The following ARHGAP17 variants were observed in gnomAD, a reference collection of about 807,000 sequenced individuals.
The protein encoded by ARHGAP17 is rho GTPase-activating protein 17.
A neutral mutation model predicts 99.5 loss-of-function variants in ARHGAP17; 57 were observed. The observed-to-expected ratio is 0.57, with a 90% CI of 0.46 to 0.71. ARHGAP17 has a LOEUF of 0.71. ARHGAP17 is among the 30% of genes least tolerant of loss of function. ARHGAP17 has a pLI of 0.00. For missense variants in ARHGAP17, 1,000 were observed against 1,122.4 expected (o/e 0.89, Z 1.56); for synonymous variants, 417 against 429.6 (o/e 0.97, Z 0.36).
chr16:24,929,154 CTTT>C (rs77376064), intron 19 of ARHGAP17, among the ~76,000 whole-genome samples: 3 of 140,038 alleles, frequency 2.1e-5, no homozygotes, highest in African/African-American at 2.6e-5. Context: ...GAAGATATTC[CTTT>C]TTTTTTTTTT....
In ARHGAP17 at chr16:24,950,836, C is replaced by CAAAAAAAAAAAAA. The variant is rs1177614713; in HGVS notation, c.1047-1365_1047-1353dup. ...TGGGCGACAGAGTGGGACTCCAACT[C>CAAAAAAAAAAAAA]AAAAAAAAAAAAAAAAAAAAAAGAA... On this transcript the variant is annotated intron_variant, in intron 12 of 19. Coordinates refer to ENST00000289968, the MANE Select transcript of ARHGAP17 (RefSeq NM_001006634.3). Among the ~76,000 whole-genome samples, 102 of 39,406 alleles carry CAAAAAAAAAAAAA rather than the reference C, an allele frequency of 2.6e-3. 7 individuals carry two copies. Among genetic ancestry groups the CAAAAAAAAAAAAA allele is most frequent in the African/African-American group, 9.7e-3 (92 of 9,516 alleles). The allele number at this position is 39,406 out of a possible 152,430, so 25.9% of individuals were successfully genotyped here.
intron 13 of ARHGAP17, 45 bp from the exon 14 acceptor site, chr16:24,947,640 T>C (rs1485796505): frequency 1.3e-6 from 2 of 1,511,786 alleles, no homozygotes; most frequent in Non-Finnish European, 1.8e-6. Context: ...CTGAAATAGC[T>C]GCTGGAATGT....
At chr16:24,929,048 T>TG (rs1421681019) in intron 19 of ARHGAP17, among the ~76,000 whole-genome samples, 2 of 152,128 alleles carry the variant, frequency 1.3e-5, no homozygotes, top group African/African-American at 4.8e-5. Flanking sequence ...TGACTGCACC[T>TG]GGGTCCTCTT....
intron 3 of ARHGAP17, among the ~76,000 whole-genome samples, chr16:24,976,410 T>G (rs2141348085): frequency 6.6e-6 from 1 of 152,178 alleles, no homozygotes; most frequent in African/African-American, 2.4e-5. Context: ...TGTACTGTGG[T>G]CTCAGCTGCT....
intron 1 of ARHGAP17, among the ~76,000 whole-genome samples, chr16:24,987,350 G>A (rs1271845432): frequency 6.6e-6 from 1 of 152,152 alleles, no homozygotes; most frequent in Non-Finnish European, 1.5e-5. Context: ...TGCAGCAGCC[G>A]CATTTAGCCC....
At chr16:25,000,072 G>A (rs556502172) in intron 1 of ARHGAP17, among the ~76,000 whole-genome samples, 60 of 152,256 alleles carry the variant, frequency 3.9e-4, no homozygotes, top group African/African-American at 1.1e-3. Context: ...CAGACACAGC[G>A]AGTAAACAGT....
intron 3 of ARHGAP17, among the ~76,000 whole-genome samples, chr16:24,976,909 A>G (rs2052534341): frequency 6.6e-6 from 1 of 152,250 alleles, no homozygotes; most frequent in Non-Finnish European, 1.5e-5. Flanking sequence ...TCAATTTAAG[A>G]CAGGCTTTCC....
At chr16:24,933,789 C>T (rs2051059489) in intron 18 of ARHGAP17, among the ~76,000 whole-genome samples, 1 of 151,958 alleles carries the variant, frequency 6.6e-6, no homozygotes, top group South Asian at 2.1e-4. Context: ...TCTGAGACCA[C>T]CTCAGAGGCG....
At chr16:25,009,177 C>T (rs2053580209) in intron 1 of ARHGAP17, among the ~76,000 whole-genome samples, 1 of 152,062 alleles carries the variant, frequency 6.6e-6, no homozygotes, top group Admixed American at 6.6e-5. Context: ...ACCAGCCTGG[C>T]CAACATGGCA....
intron 1 of ARHGAP17, among the ~76,000 whole-genome samples, chr16:24,998,361 G>T (rs1449768034): frequency 6.6e-6 from 1 of 152,052 alleles, no homozygotes; most frequent in Admixed American, 6.5e-5. Context: ...GGGGAGGCTG[G>T]CAAGGCAGCG....
In ARHGAP17 at chr16:25,014,149, T is replaced by C. The variant is rs558242738; in HGVS notation, c.53+1060A>G. ...AACTCGAGAGGAAGTAAAAGTATTT[T>C]CATACACTCAAAAAAAAGAAGTGTC... On this transcript the variant is annotated intron_variant, in intron 1 of 19. Transcript: ENST00000289968. Among the ~76,000 whole-genome samples, 15 of 151,460 alleles carry C rather than the reference T, an allele frequency of 9.9e-5. No individual in the cohort carries two copies. The East Asian group carries it at 2.9e-3, about 29-fold the overall frequency.
intron 18 of ARHGAP17, among the ~76,000 whole-genome samples, chr16:24,933,730 G>A (rs1024560519): frequency 3.3e-5 from 5 of 151,870 alleles, no homozygotes; most frequent in Admixed American, 2.6e-4. Flanking sequence ...GAGAGGGAGC[G>A]TGGGAGCAAA....
At chr16:24,987,783 G>A (rs1043773890) in intron 1 of ARHGAP17, among the ~76,000 whole-genome samples, 5 of 152,080 alleles carry the variant, frequency 3.3e-5, no homozygotes, top group South Asian at 2.1e-4. Flanking sequence ...TGACTGATAC[G>A]TCAATTAAAA....
chr16:25,003,230 CTTTTTTTTTT>C (rs564573463), intron 1 of ARHGAP17, among the ~76,000 whole-genome samples: 3 of 90,700 alleles, frequency 3.3e-5, no homozygotes, highest in East Asian at 6.0e-4. Context: ...AGCTTTAAAG[CTTTTTTTTTT>C]TTTTTTTTTT....
rs1357014912 is a variant in ARHGAP17, at chr16:24,955,940, G to C, written c.725-1210C>G. ...GACAAAAATGAGGTGCAGGCCACCA[G>C]CCACTCTCAGAATTGTGGGGAGCCC... On this transcript the variant is annotated intron_variant, in intron 9 of 19. Coordinates refer to ENST00000289968, the MANE Select transcript of ARHGAP17 (RefSeq NM_001006634.3). This position sits in a 1 kb window ranked among gnomAD's most constrained non-coding sequence, Gnocchi z 4.0. The C allele has an allele frequency of 6.6e-6, 1 of 152,330 alleles. No homozygotes were observed. Among genetic ancestry groups the C allele is most frequent in the Admixed American group, 6.5e-5 (1 of 15,282 alleles). The allele number at this position is 152,330 out of a possible 1,614,324, so 9.4% of individuals were successfully genotyped here. A position where few individuals can be genotyped will look rare whatever the true frequency, so the allele number is the denominator to read the frequency against.
chr16:25,002,547 C>T (rs914991283), intron 1 of ARHGAP17, among the ~76,000 whole-genome samples: 12 of 152,296 alleles, frequency 7.9e-5, no homozygotes, highest in Admixed American at 2.6e-4. Context: ...ACCATCATTC[C>T]CCCCTAAAAC....
In ARHGAP17 at chr16:24,920,605, G is replaced by T. The variant is rs113159832; in HGVS notation, c.2516-345C>A. ...ATGCATGAGATGAACCCTCCTGATGGCCCCTGGGCTGCCCTGGGAAGAGGT... is the reference window on the plus strand; with the variant it reads ...ATGCATGAGATGAACCCTCCTGATGTCCCCTGGGCTGCCCTGGGAAGAGGT... On this transcript the variant is annotated intron_variant, in intron 19 of 19. Coordinates refer to ENST00000289968, the MANE Select transcript of ARHGAP17 (RefSeq NM_001006634.3). 8.3e-4 allele frequency: 182 copies of T among 219,420 alleles called. 4 individuals carry two copies. Among genetic ancestry groups the T allele is most frequent in the African/African-American group, 3.9e-3 (169 of 43,706 alleles). The allele number at this position is 219,420 out of a possible 1,614,324, so 13.6% of individuals were successfully genotyped here. A position where few individuals can be genotyped will look rare whatever the true frequency, so the allele number is the denominator to read the frequency against.
chr16:24,919,390 T>C lies in ARHGAP17; in HGVS notation c.*740A>G, dbSNP rs977777529. On this transcript the variant is annotated 3_prime_UTR_variant, in exon 20 of 20. Transcript: ENST00000289968. Reference sequence around the variant, plus strand: ...AATTTACCTCCAAGAATTATGAAGTTTTCATATAAACCACAGAATATATTT... The same window carrying C: ...AATTTACCTCCAAGAATTATGAAGTCTTCATATAAACCACAGAATATATTT... 6.5e-6 allele frequency: 1 copy of C among 152,710 alleles called. No homozygotes were observed. Among genetic ancestry groups the C allele is most frequent in the Non-Finnish European group, 1.5e-5 (1 of 68,148 alleles). 9.5% of individuals were successfully genotyped at this position (152,710 alleles called of 1,614,324 possible). A position where few individuals can be genotyped will look rare whatever the true frequency, so the allele number is the denominator to read the frequency against.
chr16:24,964,244 G>A lies in ARHGAP17; in HGVS notation c.526C>T (p.Leu176=). ...FQGLPSKIDT[L]KEEMDEAGNK... ...CCAGCTTCATCCATCTCTTCCTTTA[G>A]AGTATCTATTTTTGATGGAAGCCCC... The change falls in exon 7 of 20, where the codon CTA becomes TTA. Residue 176 remains leucine (L), a synonymous_variant. Coordinates refer to ENST00000289968, the MANE Select transcript of ARHGAP17 (RefSeq NM_001006634.3). 1.9e-6 allele frequency: 3 copies of A among 1,613,842 alleles called. No individual in the cohort carries two copies. Among genetic ancestry groups the A allele is most frequent in the African/African-American group, 2.7e-5 (2 of 74,984 alleles).
Sources: allele counts gnomAD v4.1 joint callset (sites outside exome capture counted in the v4.1 genomes callset), GRCh38; gene constraint gnomAD v4.1.1; non-coding constraint Gnocchi (gnomAD v3.1); transcripts MANE v1.5; gene names NCBI Gene and HGNC (gene_info 2026-07-23, HGNC 2026-07-21).